CYB561: variants seen among roughly 807,000 people sequenced by gnomAD.
The protein encoded by CYB561 is transmembrane ascorbate-dependent reductase CYB561.
CYB561 carries 11 observed loss-of-function variants against 25.3 expected under a neutral mutation model. The ratio of observed to expected loss-of-function variants is 0.44; its 90% CI spans 0.27 to 0.72. CYB561 has a LOEUF of 0.72. CYB561 is among the 30% of genes least tolerant of loss of function. The pLI is 0.18. For synonymous variants in CYB561, 165 were observed against 158.8 expected (o/e 1.04, Z -0.29); for missense variants, 295 against 334.9 (o/e 0.88, Z 0.93).
chr17:63,438,220 C>T (rs1568024307), intron 1 of CYB561: 1 of 1,535,546 alleles, frequency 6.5e-7, no homozygotes. Flanking sequence ...GCTTTGTTTT[C>T]TGTTTCATGA....
At chr17:63,437,669 TACA>T in intron 1 of CYB561, 109 bp from the exon 2 acceptor site, 1 of 672,346 alleles carries the variant, frequency 1.5e-6, no homozygotes, top group Admixed American at 3.1e-5. Flanking sequence ...CCCCGAGATG[TACA>T]CACCCCTCAA....
rs1474605370 is a variant in CYB561, at chr17:63,433,906, A to ACACAT, written c.*491_*495dup. On this transcript the variant is annotated 3_prime_UTR_variant, in exon 6 of 6. Coordinates refer to ENST00000360793, the MANE Select transcript of CYB561 (RefSeq NM_001915.4). ...CTTGCTTTCACCACCAACATACTTT[A>ACACAT]CACATCATATCACTTGCTCCTCTGC... The ACACAT allele has an allele frequency of 5.9e-6, 1 of 170,800 alleles. No homozygotes were observed. Among genetic ancestry groups the ACACAT allele is most frequent in the African/African-American group, 2.4e-5 (1 of 42,222 alleles). The allele number at this position is 170,800 out of a possible 1,614,324, so 10.6% of individuals were successfully genotyped here.
chr17:63,435,199 G>A lies in CYB561; in HGVS notation c.450C>T (p.Phe150=), dbSNP rs764889148. Residue 150 remains phenylalanine, a synonymous_variant, in exon 5 of 6, where the codon TTC becomes TTT. Coordinates refer to ENST00000360793, the MANE Select transcript of CYB561 (RefSeq NM_001915.4). ...FSFFLFPGAS[F]SLRSRYRPQH... is the part of the protein sequence containing the mutation. ...GTGGGCGGTAGCGGCTCCGCAGGGA[G>A]AATGAAGCTCCGGGGAACAGGAAGA... 4 of 1,614,138 alleles carry A rather than the reference G, an allele frequency of 2.5e-6. No individual in the cohort carries two copies. Among genetic ancestry groups the A allele is most frequent in the Non-Finnish European group, 3.4e-6 (4 of 1,180,030 alleles).
chr17:63,440,252 C>T lies in CYB561; in HGVS notation c.-13-2692G>A, dbSNP rs528918095. On this transcript the variant is annotated intron_variant, in intron 1 of 5. Transcript: ENST00000360793. ...CCCAAGTCACCTTCTCTCCCATCGT[C>T]GCCAAGTTCTCTCATGCCCTCCCCA... 133 of 398,866 alleles carry T rather than the reference C, an allele frequency of 3.3e-4. 1 individual carries two copies. The Middle Eastern group carries it at 4.4e-3, about 13-fold the overall frequency. 24.7% of individuals were successfully genotyped at this position (398,866 alleles called of 1,614,324 possible). A position where few individuals can be genotyped will look rare whatever the true frequency, so the allele number is the denominator to read the frequency against.
intron 1 of CYB561, chr17:63,437,900 T>A: frequency 3.2e-6 from 1 of 310,128 alleles, no homozygotes; most frequent in Non-Finnish European, 5.4e-6. Flanking sequence ...GAGATGCGCA[T>A]GTCCCCCCCA....
At chr17:63,438,234 C>T (rs2049335936) in intron 1 of CYB561, 2 of 1,535,292 alleles carry the variant, frequency 1.3e-6, no homozygotes, top group Non-Finnish European at 1.7e-6. Flanking sequence ...TTCATGAGGC[C>T]CTGGCCTTCC....
intron 1 of CYB561, among the ~76,000 whole-genome samples, chr17:63,441,666 C>A (rs756721002): frequency 6.6e-6 from 1 of 152,250 alleles, no homozygotes; most frequent in Non-Finnish European, 1.5e-5. Context: ...GCATCTCTAG[C>A]TCTCCTGCCG....
At chr17:63,438,481 C>G (rs2049340207) in intron 1 of CYB561, among the ~76,000 whole-genome samples, 1 of 151,114 alleles carries the variant, frequency 6.6e-6, no homozygotes, top group Non-Finnish European at 1.5e-5. Flanking sequence ...CACCCCGCTC[C>G]CCGCCCGGCC....
chr17:63,439,845 C>T lies in CYB561; in HGVS notation c.-13-2285G>A, dbSNP rs537159830. ...CATTGCACGGCCATTTTTTAGCCAA[C>T]TAGTTCCCATTGTTCAGCATTTAGC... On this transcript the variant is annotated intron_variant, in intron 1 of 5. Coordinates refer to ENST00000360793, the MANE Select transcript of CYB561 (RefSeq NM_001915.4). Among the ~76,000 whole-genome samples, 34 of 152,312 alleles carry T rather than the reference C, an allele frequency of 2.2e-4. No homozygotes were observed. The South Asian group carries it at 5.2e-3, about 23-fold the overall frequency.
At chr17:63,443,253 C>T (rs1373690041) in intron 1 of CYB561, among the ~76,000 whole-genome samples, 6 of 152,180 alleles carry the variant, frequency 3.9e-5, no homozygotes, top group South Asian at 2.1e-4. Context: ...ATCCTCCCCA[C>T]GCTTGTACCA....
chr17:63,435,890 G>T (rs1483319071), intron 3 of CYB561, 99 bp from the exon 4 acceptor site: 2 of 1,580,402 alleles, frequency 1.3e-6, no homozygotes, highest in Non-Finnish European at 1.7e-6. Flanking sequence ...CTGGGCTTTA[G>T]TCCCAGCTCG....
intron 2 of CYB561, chr17:63,437,015 T>C (rs1255664212): frequency 3.7e-5 from 14 of 381,764 alleles, no homozygotes; most frequent in Non-Finnish European, 6.2e-5. Context: ...TGATTACTTT[T>C]TTTCCCTCAA....
intron 1 of CYB561, among the ~76,000 whole-genome samples, chr17:63,444,715 T>C (rs1238646204): frequency 6.6e-6 from 1 of 152,232 alleles, no homozygotes; most frequent in Non-Finnish European, 1.5e-5. Context: ...AAAATTCATT[T>C]ATGAATTGTT....
In CYB561 at chr17:63,434,582, G is replaced by A. The variant is rs138468954; in HGVS notation, c.576C>T (p.Ser192=). 7.1e-5 allele frequency: 114 copies of A among 1,610,002 alleles called. No individual in the cohort carries two copies. In the African/African-American group the frequency reaches 8.7e-4, roughly 12 times the overall value. ...ALLFNLGGKY[S]AFEPEGVLAN... ...CCAGGACACCCTCGGGCTCAAATGCGCTATACTTGCCCCTGCAGGGGTGAG... is the reference window on the plus strand; with the variant it reads ...CCAGGACACCCTCGGGCTCAAATGCACTATACTTGCCCCTGCAGGGGTGAG... Residue 192 remains serine (S), a synonymous_variant, in exon 6 of 6, where the codon AGC becomes AGT. Transcript: ENST00000360793.
chr17:63,446,341 C>A (rs865896776), upstream of CYB561: 31 of 152,002 alleles, frequency 2.0e-4, no homozygotes, highest in African/African-American at 7.5e-4. Flanking sequence ...CCATGGCAAC[C>A]GGGCGGCGGG....
At chr17:63,441,531 G>C (rs2049375351) in intron 1 of CYB561, among the ~76,000 whole-genome samples, 2 of 152,226 alleles carry the variant, frequency 1.3e-5, no homozygotes, top group Non-Finnish European at 2.9e-5. Context: ...GATGAGCTTT[G>C]GTACAGACCC....
In CYB561 at chr17:63,436,408, A is replaced by C; in HGVS notation, c.203-256T>G. On this transcript the variant is annotated intron_variant, in intron 2 of 5. Coordinates refer to ENST00000360793, the MANE Select transcript of CYB561 (RefSeq NM_001915.4). The surrounding 1 kb of genome is among the most constrained non-coding windows in gnomAD (Gnocchi z 4.8). ...CTCCAACCTCCCCCAGCTGTGCACA[A>C]AGAGGGCAGGGCCGGAGGCTGCACC... 1 of 453,492 alleles carries C rather than the reference A, an allele frequency of 2.2e-6. No individual in the cohort carries two copies. The highest frequency in any genetic ancestry group is 4.2e-5 in the East Asian group (1 of 23,906). The allele number at this position is 453,492 out of a possible 1,614,324, so 28.1% of individuals were successfully genotyped here. A position where few individuals can be genotyped will look rare whatever the true frequency, so the allele number is the denominator to read the frequency against.
At chr17:63,434,687 T>G in intron 5 of CYB561, 93 bp from the exon 6 acceptor site, 1 of 1,142,910 alleles carries the variant, frequency 8.7e-7, no homozygotes, top group Non-Finnish European at 1.2e-6. Flanking sequence ...GCCATGGGGA[T>G]TCCAGCACCA....
chr17:63,435,811 T>C lies in CYB561; in HGVS notation c.302-20A>G, dbSNP rs368468210. 1.4e-5 allele frequency: 23 copies of C among 1,610,846 alleles called. No homozygotes were observed. The Middle Eastern group carries it at 4.9e-4, about 35-fold the overall frequency. On this transcript the variant is annotated intron_variant, in intron 3 of 5. Transcript: ENST00000360793. ...CCAAGCCTGGGCCAGAGACAGGTCA[T>C]ATGAGGACAGGGTTGGATGTGGAAA...
Sources: allele counts gnomAD v4.1 joint callset (sites outside exome capture counted in the v4.1 genomes callset), GRCh38; gene constraint gnomAD v4.1.1; non-coding constraint Gnocchi (gnomAD v3.1); transcripts MANE v1.5; gene names NCBI Gene and HGNC (gene_info 2026-07-23, HGNC 2026-07-21).